EPM2A: variants seen among roughly 807,000 people sequenced by gnomAD.
The protein encoded by EPM2A is laforin.
A neutral mutation model predicts 26.5 loss-of-function variants in EPM2A; 21 were observed. The observed-to-expected ratio is 0.79, with a 90% CI of 0.56 to 1.14. EPM2A has a LOEUF of 1.14. EPM2A is among the 50% of genes most tolerant of loss of function. EPM2A has a pLI of 0.00. For synonymous variants in EPM2A, 217 were observed against 177.6 expected (o/e 1.22, Z -1.76); for missense variants, 458 against 440.8 (o/e 1.04, Z -0.35).
intron 2 of EPM2A, among the ~76,000 whole-genome samples, chr6:145,526,192 T>G (rs1056564334): frequency 6.6e-6 from 1 of 152,134 alleles, no homozygotes; most frequent in African/African-American, 2.4e-5. Flanking sequence ...GGATTCAGTC[T>G]GCTAGTATTT....
intron 2 of EPM2A, among the ~76,000 whole-genome samples, chr6:145,567,111 C>G (rs1238669708): frequency 6.6e-6 from 1 of 152,120 alleles, no homozygotes; most frequent in South Asian, 2.1e-4. Context: ...GCAGGAAGAC[C>G]CTCAGCAGTT....
At chr6:145,637,233 T>G (rs1473743709) in intron 2 of EPM2A, 2 of 152,180 alleles carry the variant, frequency 1.3e-5, no homozygotes, top group African/African-American at 2.4e-5. Flanking sequence ...GTTTCCTATA[T>G]TCTTCATTTG....
At chr6:145,383,787 A>G (rs1473829850) in exon 5 of EPM2A, 1 of 152,224 alleles carries the variant, frequency 6.6e-6, no homozygotes, top group Non-Finnish European at 1.5e-5. Context: ...ACTTTTGTCT[A>G]GTCAAAATAT....
chr6:145,522,974 C>T (rs749738442), intron 2 of EPM2A, among the ~76,000 whole-genome samples: 1 of 152,172 alleles, frequency 6.6e-6, no homozygotes, highest in Non-Finnish European at 1.5e-5. Flanking sequence ...CAAGCACGCT[C>T]TGTTCCAAAA....
At chr6:145,385,125 C>G (rs1347493677) in intron 4 of EPM2A, among the ~76,000 whole-genome samples, 1 of 147,824 alleles carries the variant, frequency 6.8e-6, no homozygotes, top group Admixed American at 6.9e-5. Context: ...TCTTAAAGAA[C>G]TTTAGAATGG....
chr6:145,680,551 C>G (rs998020232), intron 2 of EPM2A, among the ~76,000 whole-genome samples: 3 of 151,970 alleles, frequency 2.0e-5, no homozygotes, highest in Admixed American at 6.5e-5. Flanking sequence ...CTCCCCCCAC[C>G]CCACAACAGT....
intron 1 of EPM2A, among the ~76,000 whole-genome samples, chr6:145,725,167 T>A (rs1384958439): frequency 1.3e-5 from 2 of 152,008 alleles, no homozygotes; most frequent in African/African-American, 4.8e-5. Flanking sequence ...CCAAAGAATA[T>A]ATACAGATGG....
chr6:145,476,840 CA>C (rs1015108551), intron 4 of EPM2A, among the ~76,000 whole-genome samples: 2 of 151,160 alleles, frequency 1.3e-5, no homozygotes, highest in Non-Finnish European at 3.0e-5. Flanking sequence ...GTGCCTACAT[CA>C]AAAAGAAGAA....
intron 2 of EPM2A, among the ~76,000 whole-genome samples, chr6:145,537,061 T>G (rs551126551): frequency 6.6e-6 from 1 of 152,290 alleles, no homozygotes; most frequent in Admixed American, 6.5e-5. Context: ...GAACAAAAAT[T>G]AGGGAAGCCA....
chr6:145,679,331 C>G (rs1011144099), intron 2 of EPM2A, among the ~76,000 whole-genome samples: 1 of 151,660 alleles, frequency 6.6e-6, no homozygotes, highest in Non-Finnish European at 1.5e-5. Context: ...ATGGGTGCAG[C>G]AAACCAACAT....
intron 4 of EPM2A, among the ~76,000 whole-genome samples, chr6:145,425,099 G>A (rs1031166476): frequency 3.8e-5 from 4 of 106,384 alleles, no homozygotes; most frequent in Admixed American, 2.0e-4. Flanking sequence ...TCAATTAGTA[G>A]CTTTGGATGT....
chr6:145,446,332 A>G (rs532830124), intron 4 of EPM2A, among the ~76,000 whole-genome samples: 1 of 152,370 alleles, frequency 6.6e-6, no homozygotes, highest in South Asian at 2.1e-4. Context: ...TTCTGGTATA[A>G]TATGCTATGT....
chr6:145,607,343 C>A (rs1447985054), intron 2 of EPM2A, among the ~76,000 whole-genome samples: 1 of 152,144 alleles, frequency 6.6e-6, no homozygotes, highest in Non-Finnish European at 1.5e-5. Context: ...ACTCATGAAT[C>A]AAAGAATAGA....
chr6:145,731,582 A>G (rs894319776), intron 1 of EPM2A, among the ~76,000 whole-genome samples: 4 of 152,186 alleles, frequency 2.6e-5, no homozygotes, highest in Non-Finnish European at 5.9e-5. Flanking sequence ...CATAGAGAAC[A>G]CATGGACACA....
At chr6:145,484,749 T>C (rs1387537045) in intron 4 of EPM2A, among the ~76,000 whole-genome samples, 1 of 151,890 alleles carries the variant, frequency 6.6e-6, no homozygotes, top group Non-Finnish European at 1.5e-5. Flanking sequence ...TCATCGTATC[T>C]CAGGTTTTAT....
intron 1 of EPM2A, among the ~76,000 whole-genome samples, chr6:145,695,837 A>G (rs1352906097): frequency 1.3e-5 from 2 of 152,122 alleles, no homozygotes; most frequent in Non-Finnish European, 2.9e-5. Context: ...ATACTGTAAT[A>G]GTAGGGGACT....
At chr6:145,458,705 TG>T (rs1288795263) in intron 4 of EPM2A, among the ~76,000 whole-genome samples, 1 of 152,116 alleles carries the variant, frequency 6.6e-6, no homozygotes, top group East Asian at 1.9e-4. Context: ...TCAGAGCACC[TG>T]TTTACATGTA....
chr6:145,621,744 T>C (rs967359405), downstream of EPM2A, among the ~76,000 whole-genome samples: 4 of 152,188 alleles, frequency 2.6e-5, no homozygotes, highest in Non-Finnish European at 1.5e-5. Context: ...ATGTCTTCTT[T>C]GGAGAAATGT....
chr6:145,731,397 A>G (rs954239376), intron 1 of EPM2A, among the ~76,000 whole-genome samples: 2 of 152,240 alleles, frequency 1.3e-5, no homozygotes, highest in African/African-American at 4.8e-5. Context: ...AGAAAAATCA[A>G]TAGAATAAAA....
Sources: gnomAD v4.1 joint callset for allele counts (sites outside exome capture counted in the v4.1 genomes callset) on GRCh38, gnomAD v4.1.1 for gene constraint, MANE v1.5 for transcripts, NCBI Gene and HGNC (gene_info 2026-07-23, HGNC 2026-07-21) for gene names.